The following OR51B5 variants were observed in gnomAD, a reference collection of about 807,000 sequenced individuals.
The protein encoded by OR51B5 is olfactory receptor family 51 subfamily B member 5.
For missense variants in OR51B5, 456 were observed against 374.6 expected (o/e 1.22, Z -1.79); for synonymous variants, 186 against 144.8 (o/e 1.28, Z -2.04).
At chr11:5,354,238 G>T (rs117980808) in intron 1 of OR51B5, among the ~76,000 whole-genome samples, 547 of 152,190 alleles carry the variant, frequency 3.6e-3, no homozygotes, top group Middle Eastern at 0.01. Flanking sequence ...CTTCCCTTGG[G>T]CTTTTGGGAA....
chr11:5,435,725 T>G (rs1466171201), intron 1 of OR51B5, among the ~76,000 whole-genome samples: 1 of 152,174 alleles, frequency 6.6e-6, no homozygotes, highest in Non-Finnish European at 1.5e-5. Context: ...ACAAAAGTCC[T>G]CCTGTCAGAG....
intron 1 of OR51B5, among the ~76,000 whole-genome samples, chr11:5,480,229 A>T (rs1296937972): frequency 1.3e-5 from 2 of 150,570 alleles, no homozygotes; most frequent in African/African-American, 2.4e-5. Flanking sequence ...AACTACATGG[A>T]AACTGAACAA....
At position 5,379,634 on chromosome 11, in the gene OR51B5, TTG is replaced by T. The variant is rs201769064; in HGVS notation, n.85-32726_85-32725del. Among the ~76,000 whole-genome samples the T allele has an allele frequency of 6.1e-3, 929 of 152,242 alleles. 29 individuals carry two copies. Among genetic ancestry groups the T allele is most frequent in the Admixed American group, 0.048 (738 of 15,274 alleles). On this transcript the variant is annotated intron_variant and non_coding_transcript_variant, in intron 1 of 4. Coordinates refer to the OR51B5 transcript ENST00000415970. ...TGCCATTTGTAAGATATGCATTTAG[TTG>T]TGTTTTATTTTTTAATTGACATTGC...
chr11:5,453,815 G>A lies in OR51B5; in HGVS notation n.84+51754C>T, dbSNP rs775485184. 9.3e-6 allele frequency: 15 copies of A among 1,614,058 alleles called. No homozygotes were observed. In the South Asian group the frequency reaches 1.5e-4, roughly 17 times the overall value. On this transcript the variant is annotated intron_variant and non_coding_transcript_variant, in intron 1 of 4. Transcript: ENST00000415970. ...TGTTTCTTATTCACTTCTTCTCCAT[G>A]ATGGAATCAGGTATTCTGCTGGCCA...
chr11:5,488,787 C>A, intron 1 of OR51B5: 2 of 1,614,040 alleles, frequency 1.2e-6, no homozygotes, highest in South Asian at 2.2e-5. Context: ...AGGCTGCCCA[C>A]TTCTGGATTG....
intron 1 of OR51B5, among the ~76,000 whole-genome samples, chr11:5,384,884 C>A (rs1849662408): frequency 6.6e-6 from 1 of 152,194 alleles, no homozygotes; most frequent in South Asian, 2.1e-4. Context: ...AGTTTGACCA[C>A]TGTGGAAATG....
chr11:5,402,346 A>G (rs904385472), intron 1 of OR51B5, among the ~76,000 whole-genome samples: 26 of 152,188 alleles, frequency 1.7e-4, no homozygotes, highest in Non-Finnish European at 2.4e-4. Context: ...CCTATAATGT[A>G]ATATAATTTT....
chr11:5,486,460 G>A (rs966039769), intron 1 of OR51B5, among the ~76,000 whole-genome samples: 4 of 143,750 alleles, frequency 2.8e-5, no homozygotes, highest in African/African-American at 1.0e-4. Flanking sequence ...AGGAGGAGGA[G>A]AGGGAAGAAA....
In OR51B5 at chr11:5,369,909, C is replaced by T. The variant is rs115077232; in HGVS notation, n.85-22999G>A. Among the ~76,000 whole-genome samples the T allele has an allele frequency of 1.4e-3, 207 of 152,210 alleles. 1 individual carries two copies. Among genetic ancestry groups the T allele is most frequent in the African/African-American group, 4.8e-3 (200 of 41,520 alleles). On this transcript the variant is annotated intron_variant and non_coding_transcript_variant, in intron 1 of 4. Transcript: ENST00000415970. Reference sequence around the variant, plus strand: ...ATGACCTCATTGGTTTTGCTATCAACATAGAAAGAAAGGGAAGACATTTTC... The same window carrying T: ...ATGACCTCATTGGTTTTGCTATCAATATAGAAAGAAAGGGAAGACATTTTC...
chr11:5,363,465 TCTCA>T (rs1564922157), intron 1 of OR51B5, among the ~76,000 whole-genome samples: 1 of 142,310 alleles, frequency 7.0e-6, no homozygotes, highest in East Asian at 2.0e-4. Context: ...ACACTCTCTC[TCTCA>T]CACAAAAGCG....
chr11:5,446,479 T>C (rs2133780510), intron 1 of OR51B5, among the ~76,000 whole-genome samples: 1 of 152,320 alleles, frequency 6.6e-6, no homozygotes, highest in South Asian at 2.1e-4. Context: ...TATTATGCCA[T>C]GTTCAAAACA....
In OR51B5 at chr11:5,476,191, C is replaced by T. The variant is rs541836385; in HGVS notation, n.84+29378G>A. On this transcript the variant is annotated intron_variant and non_coding_transcript_variant, in intron 1 of 4. Coordinates refer to the OR51B5 transcript ENST00000415970. ...CTCAGTGGATTATAACTATTTCCCC[C>T]CAGTAATAACATTCATGTATACTTA... 7.2e-4 allele frequency among the ~76,000 whole-genome samples: 110 copies of T among 152,270 alleles called. No individual in the cohort carries two copies. In the Middle Eastern group the frequency reaches 0.027, roughly 38 times the overall value.
intron 1 of OR51B5, among the ~76,000 whole-genome samples, chr11:5,418,732 A>G (rs2467231): frequency 0.82 from 123,337 of 150,146 alleles, 51,508 homozygotes; most frequent in Non-Finnish European, 0.89. Flanking sequence ...CTATCGGGGG[A>G]TGGGGGGTTA....
chr11:5,495,901 A>G (rs1321404780), intron 1 of OR51B5, among the ~76,000 whole-genome samples: 2 of 152,218 alleles, frequency 1.3e-5, no homozygotes, highest in African/African-American at 2.4e-5. Context: ...TATTCTCCAT[A>G]AAATTTGTAA....
intron 1 of OR51B5, among the ~76,000 whole-genome samples, chr11:5,467,746 G>A (rs932167458): frequency 6.6e-6 from 1 of 152,206 alleles, no homozygotes; most frequent in African/African-American, 2.4e-5. Context: ...CAGGACACGA[G>A]CCCATATTTC....
At chr11:5,387,840 T>A (rs1234095843) in intron 1 of OR51B5, among the ~76,000 whole-genome samples, 1 of 152,198 alleles carries the variant, frequency 6.6e-6, no homozygotes, top group Non-Finnish European at 1.5e-5. Flanking sequence ...AATGCATCAC[T>A]CTTACCTTCC....
At chr11:5,480,535 C>A (rs1390109029) in intron 1 of OR51B5, among the ~76,000 whole-genome samples, 13 of 150,266 alleles carry the variant, frequency 8.7e-5, no homozygotes, top group African/African-American at 3.2e-4. Flanking sequence ...AATAGAGACA[C>A]AAAAAACCCT....
intron 1 of OR51B5, among the ~76,000 whole-genome samples, chr11:5,383,186 A>T (rs10768896): frequency 0.96 from 146,400 of 152,178 alleles, 70,824 homozygotes; most frequent in African/African-American, 0.99. Context: ...ATTGAAGGAA[A>T]GTCCAGTGCA....
intron 1 of OR51B5, among the ~76,000 whole-genome samples, chr11:5,483,495 C>G (rs1281517708): frequency 1.8e-5 from 2 of 111,598 alleles, no homozygotes; most frequent in Non-Finnish European, 3.6e-5. Context: ...TACCCTAAAA[C>G]TTAAAGTATA....
Sources: allele counts gnomAD v4.1 joint callset (sites outside exome capture counted in the v4.1 genomes callset), GRCh38; gene constraint gnomAD v4.1.1; transcripts MANE v1.5; gene names NCBI Gene and HGNC (gene_info 2026-07-23, HGNC 2026-07-21).